The following SLC9D1 variants were observed in gnomAD, a reference collection of about 807,000 sequenced individuals.
SLC9D1 encodes the protein putative LAG1-interacting protein.
At chr13:113,506,352 T>G in the SLC9D1 span, among the ~76,000 whole-genome samples, 3 of 106,342 alleles carry the variant, frequency 2.8e-5, no homozygotes, top group Non-Finnish European at 5.4e-5. Flanking sequence ...TGTCAGCCAG[T>G]GGCTGCCTGG....
chr13:113,543,899 C>T, the SLC9D1 span, among the ~76,000 whole-genome samples: 1 of 152,114 alleles, frequency 6.6e-6, no homozygotes, highest in African/African-American at 2.4e-5. Flanking sequence ...CTGAGTATAT[C>T]AGGGAATTCA....
chr13:113,500,075 TC>T, the SLC9D1 span: 11 of 1,598,006 alleles, frequency 6.9e-6, no homozygotes, highest in Non-Finnish European at 9.4e-6. Context: ...GCTGATTGAC[TC>T]CCAGAACAAC....
the SLC9D1 span, chr13:113,499,987 G>C: frequency 5.2e-6 from 8 of 1,551,480 alleles, no homozygotes; most frequent in South Asian, 9.9e-5. Context: ...AGGCAGTTCT[G>C]AGGGTGGAGG....
chr13:113,544,227 G>T, the SLC9D1 span, among the ~76,000 whole-genome samples: 1 of 152,356 alleles, frequency 6.6e-6, no homozygotes, highest in African/African-American at 2.4e-5. Flanking sequence ...CCGCCCCGAG[G>T]CTCGTGCCCG....
the SLC9D1 span, chr13:113,549,291 G>A: frequency 0.014 from 13,559 of 997,018 alleles, 227 homozygotes; most frequent in Non-Finnish European, 0.013. Context: ...AGCACTCAGC[G>A]TGACTGTGCT....
At chr13:113,524,053 C>G in the SLC9D1 span, 1 of 454,088 alleles carries the variant, frequency 2.2e-6, no homozygotes, top group Non-Finnish European at 4.4e-6. Context: ...GGTAAATGCT[C>G]CAAAGTCACT....
At chr13:113,526,729 A>G in the SLC9D1 span, among the ~76,000 whole-genome samples, 6 of 152,330 alleles carry the variant, frequency 3.9e-5, no homozygotes, top group African/African-American at 7.2e-5. Context: ...AGTTTAGTGT[A>G]GCCTGAGTGT....
At chr13:113,498,454 A>T in the SLC9D1 span, 1 of 1,590,722 alleles carries the variant, frequency 6.3e-7, no homozygotes, top group South Asian at 1.2e-5. Context: ...ATTCTTGAAG[A>T]TGTAAGAAAG....
At chr13:113,548,137 T>G in the SLC9D1 span, among the ~76,000 whole-genome samples, 2 of 152,158 alleles carry the variant, frequency 1.3e-5, no homozygotes, top group African/African-American at 4.8e-5. Flanking sequence ...TTGCGTGTAT[T>G]TGGTGCCTTC....
chr13:113,501,754 C>A, the SLC9D1 span: 1 of 1,607,712 alleles, frequency 6.2e-7, no homozygotes, highest in Non-Finnish European at 8.5e-7. Context: ...TTCTTCAGGA[C>A]ATTGTTACCA....
the SLC9D1 span, among the ~76,000 whole-genome samples, chr13:113,500,654 G>A: frequency 2.2e-4 from 34 of 152,210 alleles, no homozygotes; most frequent in Non-Finnish European, 3.7e-4. Context: ...AGAGCATCAT[G>A]GTTCGGGTGG....
the SLC9D1 span, among the ~76,000 whole-genome samples, chr13:113,494,940 A>G: frequency 1.3e-5 from 2 of 152,034 alleles, no homozygotes; most frequent in Non-Finnish European, 2.9e-5. Flanking sequence ...CTGGAGTACA[A>G]TGGCGTGATC....
chr13:113,494,602 A>G, the SLC9D1 span, among the ~76,000 whole-genome samples: 1 of 152,206 alleles, frequency 6.6e-6, no homozygotes, highest in Non-Finnish European at 1.5e-5. Flanking sequence ...AAGGAAGAGA[A>G]GGAGACTGAA....
the SLC9D1 span, chr13:113,503,686 A>C: frequency 2.8e-6 from 2 of 715,268 alleles, no homozygotes; most frequent in South Asian, 3.4e-5. Flanking sequence ...TTCACTATCA[A>C]ATGTTTTTAG....
the SLC9D1 span, chr13:113,534,157 T>C: frequency 9.3e-6 from 15 of 1,613,954 alleles, no homozygotes; most frequent in Non-Finnish European, 1.3e-5. Flanking sequence ...TGGACCCTAT[T>C]ATCGGAAGCT....
At chr13:113,509,324 T>C in the SLC9D1 span, among the ~76,000 whole-genome samples, 3 of 124,050 alleles carry the variant, frequency 2.4e-5, no homozygotes, top group Admixed American at 2.5e-4. Context: ...GATGGCAGGC[T>C]TGGTGGGTGG....
chr13:113,547,273 G>C, the SLC9D1 span: 15 of 1,591,904 alleles, frequency 9.4e-6, no homozygotes, highest in Non-Finnish European at 1.2e-5. Flanking sequence ...TCCTGCGGTC[G>C]TAACGTGTCT....
the SLC9D1 span, among the ~76,000 whole-genome samples, chr13:113,498,101 C>CT: frequency 6.6e-6 from 1 of 152,244 alleles, no homozygotes; most frequent in Admixed American, 6.5e-5. Context: ...ATTACATTTA[C>CT]TTTTGTGTAA....
At chr13:113,525,909 T>C in the SLC9D1 span, among the ~76,000 whole-genome samples, 1 of 152,014 alleles carries the variant, frequency 6.6e-6, no homozygotes, top group Non-Finnish European at 1.5e-5. Context: ...GAACAAGCCG[T>C]CGTCGTCGTA....
Sources: gnomAD v4.1 joint callset for allele counts (sites outside exome capture counted in the v4.1 genomes callset) on GRCh38, gnomAD v4.1.1 for gene constraint, MANE v1.5 for transcripts, NCBI Gene and HGNC (gene_info 2026-07-23, HGNC 2026-07-21) for gene names.